The following CAMTA1 variants were observed in gnomAD, a reference collection of about 807,000 sequenced individuals.
CAMTA1 encodes calmodulin binding transcription activator 1.
A neutral mutation model predicts 170.9 loss-of-function variants in CAMTA1; 27 were observed. The ratio of observed to expected loss-of-function variants is 0.16; its 90% CI spans 0.12 to 0.22. The LOEUF (loss-of-function observed/expected upper bound fraction) is 0.22. Among genes scored for constraint, CAMTA1 ranks in the 10% least tolerant of loss-of-function variants. The pLI is 1.00. For synonymous variants in CAMTA1, 833 were observed against 891.5 expected (o/e 0.93, Z 1.17); for missense variants, 1,619 against 2,217.2 (o/e 0.73, Z 5.42).
At chr1:7,199,424 C>T (rs1656219649) in intron 4 of CAMTA1, among the ~76,000 whole-genome samples, 1 of 152,246 alleles carries the variant, frequency 6.6e-6, no homozygotes, top group South Asian at 2.1e-4. Context: ...GTCCCTTCTG[C>T]AAGGAGCTGT....
At chr1:6,785,767 G>T (rs1445714077) in intron 1 of CAMTA1, among the ~76,000 whole-genome samples, 192 bp downstream of exon 1, 1 of 137,830 alleles carries the variant, frequency 7.3e-6, no homozygotes, top group Non-Finnish European at 1.6e-5. Flanking sequence ...GAGGTGACTC[G>T]CGGGGCCGGC....
rs1661403671 is a variant in CAMTA1 at position 7,224,781 on chromosome 1, C to G, written c.303-24710C>G. ...GGATATGCCTCCCTGCCCCGCTCCC[C>G]AGGGCCCTGCTCCGTAGCTGCTCCA... On this transcript the variant is annotated intron_variant, in intron 4 of 22. Coordinates refer to ENST00000303635, the MANE Select transcript of CAMTA1 (RefSeq NM_015215.4). This position sits in a 1 kb window ranked among gnomAD's most constrained non-coding sequence, Gnocchi z 5.2. Among the ~76,000 whole-genome samples, 2 of 151,962 alleles carry G rather than the reference C, an allele frequency of 1.3e-5. No homozygotes were observed. The highest frequency in any genetic ancestry group is 4.1e-4 in the South Asian group (2 of 4,826).
intron 9 of CAMTA1, among the ~76,000 whole-genome samples, chr1:7,670,577 G>A (rs1013303793): frequency 2.0e-5 from 3 of 152,158 alleles, no homozygotes; most frequent in African/African-American, 4.8e-5. Flanking sequence ...CAGGGGCATC[G>A]TAGGCTGAAA....
intron 16 of CAMTA1, among the ~76,000 whole-genome samples, chr1:7,743,031 T>G (rs1162006274): frequency 2.6e-5 from 4 of 152,146 alleles, no homozygotes; most frequent in African/African-American, 7.2e-5. Context: ...GGGGTTTTTT[T>G]GGGTAGAGAC....
At chr1:7,310,682 C>T (rs12134204) in intron 5 of CAMTA1, among the ~76,000 whole-genome samples, 3,512 of 35,788 alleles carry the variant, frequency 0.098, 533 homozygotes, top group African/African-American at 0.31. Context: ...CTTTCTTTCT[C>T]TCTCTCTCTC....
intron 5 of CAMTA1, among the ~76,000 whole-genome samples, chr1:7,348,382 A>T (rs151322334): frequency 1.2e-3 from 184 of 152,312 alleles, no homozygotes; most frequent in South Asian, 3.5e-3. Context: ...CTGTCTTCTC[A>T]CATGGGCACA....
chr1:6,978,590 C>T (rs561261975), intron 3 of CAMTA1, among the ~76,000 whole-genome samples: 17 of 151,748 alleles, frequency 1.1e-4, no homozygotes, highest in South Asian at 4.2e-4. Context: ...GCTGAGATTG[C>T]GCCACTGCAC....
At position 7,195,924 on chromosome 1, in the gene CAMTA1, A is replaced by G. The variant is rs1655438860; in HGVS notation, c.303-53567A>G. Among the ~76,000 whole-genome samples the G allele has an allele frequency of 6.6e-6, 1 of 152,206 alleles. No individual in the cohort carries two copies. Among genetic ancestry groups the G allele is most frequent in the Non-Finnish European group, 1.5e-5 (1 of 68,020 alleles). The stretch of plus-strand genomic sequence containing the variant: ...GTCCCAGCTCTTAGGAGGCTGAGGC[A>G]GGAGAATCACTTGAACCAGGAGGTG... On this transcript the variant is annotated intron_variant, in intron 4 of 22. Coordinates refer to ENST00000303635, the MANE Select transcript of CAMTA1 (RefSeq NM_015215.4). This position sits in a 1 kb window ranked among gnomAD's most constrained non-coding sequence, Gnocchi z 4.1.
chr1:7,261,912 CTG>C (rs1465133963), intron 5 of CAMTA1, among the ~76,000 whole-genome samples: 1 of 152,236 alleles, frequency 6.6e-6, no homozygotes, highest in Non-Finnish European at 1.5e-5. Context: ...CCATAGGAGA[CTG>C]TGGGAAAATA....
rs12094536 is a variant in CAMTA1 at position 7,282,655 on chromosome 1, G to A, written c.438+33029G>A. Among the ~76,000 whole-genome samples the A allele has an allele frequency of 4.7e-3, 712 of 152,264 alleles. 6 individuals are homozygous for A. Among genetic ancestry groups the A allele is most frequent in the African/African-American group, 0.016 (681 of 41,556 alleles). On this transcript the variant is annotated intron_variant, in intron 5 of 22. Transcript: ENST00000303635. ...TCTAGAAGGACTCCACGTGAAGGCTGAGTAAAGAAGGATATGCCAGAAAGG... is the reference window on the plus strand; with the variant it reads ...TCTAGAAGGACTCCACGTGAAGGCTAAGTAAAGAAGGATATGCCAGAAAGG...
intron 3 of CAMTA1, among the ~76,000 whole-genome samples, chr1:6,877,742 T>C (rs1670344321): frequency 6.6e-6 from 1 of 152,182 alleles, no homozygotes; most frequent in African/African-American, 2.4e-5. Context: ...CAGCCCCTTT[T>C]CTCTCTTCTG....
At chr1:6,862,425 T>C (rs1175911290) in intron 3 of CAMTA1, among the ~76,000 whole-genome samples, 1 of 152,226 alleles carries the variant, frequency 6.6e-6, no homozygotes, top group Non-Finnish European at 1.5e-5. Flanking sequence ...CATCCATCCA[T>C]GGGTGCATGG....
intron 4 of CAMTA1, among the ~76,000 whole-genome samples, chr1:7,157,780 G>A (rs1221992251): frequency 6.6e-6 from 1 of 152,148 alleles, no homozygotes; most frequent in Non-Finnish European, 1.5e-5. Flanking sequence ...ACTGAAAACA[G>A]AAAGCAACTC....
At chr1:7,172,658 C>T (rs779649971) in intron 4 of CAMTA1, among the ~76,000 whole-genome samples, 4 of 152,206 alleles carry the variant, frequency 2.6e-5, no homozygotes, top group Admixed American at 6.5e-5. Context: ...CTTTAAACAA[C>T]GGTCTCACTG....
chr1:7,387,664 A>C (rs1250258853), intron 5 of CAMTA1, among the ~76,000 whole-genome samples: 1 of 152,198 alleles, frequency 6.6e-6, no homozygotes, highest in African/African-American at 2.4e-5. Context: ...AAAAGCTGCA[A>C]AACAGGTTTT....
At chr1:7,489,435 G>C (rs1280212460) in intron 6 of CAMTA1, among the ~76,000 whole-genome samples, 1 of 152,278 alleles carries the variant, frequency 6.6e-6, no homozygotes, top group East Asian at 1.9e-4. Context: ...GTGTGCCATT[G>C]GCATGCAGGG....
At chr1:7,421,068 TCATC>T (rs1557685773) in intron 5 of CAMTA1, among the ~76,000 whole-genome samples, 1 of 152,232 alleles carries the variant, frequency 6.6e-6, no homozygotes, top group African/African-American at 2.4e-5. Flanking sequence ...CTTCTGGCCT[TCATC>T]CAGGACATTT....
intron 5 of CAMTA1, among the ~76,000 whole-genome samples, chr1:7,256,466 A>G (rs1209998384): frequency 6.6e-6 from 1 of 152,228 alleles, no homozygotes; most frequent in Non-Finnish European, 1.5e-5. Context: ...AGGCTGAGGC[A>G]GGAGAATGGC....
intron 3 of CAMTA1, among the ~76,000 whole-genome samples, chr1:6,905,662 C>G (rs1678286483): frequency 6.6e-6 from 1 of 152,194 alleles, no homozygotes; most frequent in South Asian, 2.1e-4. Flanking sequence ...CAGTTAAACT[C>G]TCCCTCTTCT....
Sources: gnomAD v4.1 joint callset for allele counts (sites outside exome capture counted in the v4.1 genomes callset) on GRCh38, gnomAD v4.1.1 for gene constraint, Gnocchi (gnomAD v3.1) non-coding constraint, MANE v1.5 for transcripts, NCBI Gene and HGNC (gene_info 2026-07-23, HGNC 2026-07-21) for gene names.